The following PLCE1 variants were observed in gnomAD, a reference collection of about 807,000 sequenced individuals.
The protein encoded by PLCE1 is phospholipase C epsilon 1.
Under a neutral mutation model 242.8 loss-of-function variants are expected in PLCE1, and 119 were observed. That is an observed-to-expected ratio of 0.49 (90% CI 0.42 to 0.57). The LOEUF (loss-of-function observed/expected upper bound fraction) is 0.57, where lower values mean the gene tolerates loss of function less well. Ranked by LOEUF, PLCE1 falls within the 20% of genes least tolerant of loss-of-function variation. The probability of loss-of-function intolerance (pLI) is 0.00; values close to 1 mark genes in which losing one functional copy is unlikely to be tolerated. For synonymous variants in PLCE1, 945 were observed against 1,017.4 expected (o/e 0.93, Z 1.35); for missense variants, 2,441 against 2,788.8 (o/e 0.88, Z 2.81).
chr10:94,332,500 T>C lies in PLCE1; in HGVS notation c.*4557T>C, dbSNP rs1282482117. 8.8e-6 allele frequency: 1 copy of C among 113,608 alleles called. No homozygotes were observed. The highest frequency in any genetic ancestry group is 2.6e-4 in the East Asian group (1 of 3,898). The allele number at this position is 113,608 out of a possible 1,614,324, so 7.0% of individuals were successfully genotyped here. On this transcript the variant is annotated 3_prime_UTR_variant, in exon 33 of 33. Transcript: ENST00000371380. ...GCTTAATATAGCCTCAGGATATGTGTGTGCCTGTGTGTGTGTGTGTGTGTG... is the reference window on the plus strand; with the variant it reads ...GCTTAATATAGCCTCAGGATATGTGCGTGCCTGTGTGTGTGTGTGTGTGTG...
intron 10 of PLCE1, 147 bp from the exon 11 acceptor site, chr10:94,254,746 C>G (rs1349788996): frequency 3.5e-6 from 3 of 861,680 alleles, no homozygotes; most frequent in Non-Finnish European, 5.9e-6. Context: ...TTAGCCCATT[C>G]ATAAAGATAT....
chr10:94,238,536 A>G (rs1227815525), intron 7 of PLCE1, among the ~76,000 whole-genome samples: 1 of 152,206 alleles, frequency 6.6e-6, no homozygotes, highest in Non-Finnish European at 1.5e-5. Flanking sequence ...TTTTATGTCT[A>G]ACTCCTGAAG....
intron 1 of PLCE1, among the ~76,000 whole-genome samples, chr10:94,003,473 T>C (rs1304361782): frequency 1.3e-5 from 2 of 152,246 alleles, no homozygotes; most frequent in Non-Finnish European, 2.9e-5. Context: ...GCTGTGGCAG[T>C]TCATTATCTG....
rs562917580 is a variant in PLCE1, at chr10:94,228,810, G to GA, written c.1955+1368dup. Among the ~76,000 whole-genome samples, 13 of 149,804 alleles carry GA rather than the reference G, an allele frequency of 8.7e-5. No homozygotes were observed. In the East Asian group the frequency reaches 1.8e-3, roughly 20 times the overall value. On this transcript the variant is annotated intron_variant, in intron 5 of 32. Coordinates refer to ENST00000371380, the MANE Select transcript of PLCE1 (RefSeq NM_016341.4). ...GCTCAAAAGAAGGAAAAAGTGGGGA[G>GA]AAAAAAAAACAAAGCCTTGGAGAAC...
At chr10:94,003,413 G>A (rs929171276) in intron 1 of PLCE1, among the ~76,000 whole-genome samples, 8 of 152,180 alleles carry the variant, frequency 5.3e-5, no homozygotes, top group Non-Finnish European at 1.0e-4. Flanking sequence ...CTGCTCATGT[G>A]TTCTATCAGG....
chr10:94,288,431 C>A (rs1019753180), intron 22 of PLCE1, among the ~76,000 whole-genome samples: 2 of 152,186 alleles, frequency 1.3e-5, no homozygotes, highest in African/African-American at 4.8e-5. Context: ...CTGAGCCTTT[C>A]TCACTCAAAA....
At chr10:94,120,404 A>T (rs994737256) in intron 2 of PLCE1, among the ~76,000 whole-genome samples, 1 of 152,186 alleles carries the variant, frequency 6.6e-6, no homozygotes, top group Non-Finnish European at 1.5e-5. Flanking sequence ...TCAATTAATC[A>T]GGACCAGAAG....
chr10:94,043,817 G>A (rs2061823295), intron 2 of PLCE1, among the ~76,000 whole-genome samples: 1 of 152,146 alleles, frequency 6.6e-6, no homozygotes, highest in Admixed American at 6.5e-5. Context: ...TATGACTCTG[G>A]CCTGACTAAT....
chr10:94,064,092 A>T (rs1184522773), intron 2 of PLCE1, among the ~76,000 whole-genome samples: 3 of 152,150 alleles, frequency 2.0e-5, no homozygotes, highest in Non-Finnish European at 4.4e-5. Context: ...TCTTAACATC[A>T]TGGCTATCCA....
chr10:94,077,898 A>G (rs1316552923), intron 2 of PLCE1, among the ~76,000 whole-genome samples: 1 of 152,268 alleles, frequency 6.6e-6, no homozygotes, highest in Non-Finnish European at 1.5e-5. Flanking sequence ...TTATTTTAAA[A>G]GTAAAAAGTA....
intron 2 of PLCE1, chr10:94,107,124 ATT>A (rs758764284): frequency 2.0e-5 from 3 of 152,306 alleles, no homozygotes; most frequent in Non-Finnish European, 4.4e-5. Flanking sequence ...TGTGGTGCCA[ATT>A]GGGTTGATGT....
Position 94,298,344 on chromosome 10 carries a change from A to G in PLCE1, c.5168-35A>G, listed in dbSNP as rs768966538. The G allele has an allele frequency of 3.0e-5, 48 of 1,597,520 alleles. No homozygotes were observed. Among genetic ancestry groups the G allele is most frequent in the Non-Finnish European group, 3.9e-5 (46 of 1,165,156 alleles). Reference sequence around the variant, plus strand: ...CTTTCTAAAATATTTAAAGTTTTCTACACTAATCTGCGGCTAATTTCTTGG... The same window carrying G: ...CTTTCTAAAATATTTAAAGTTTTCTGCACTAATCTGCGGCTAATTTCTTGG... On this transcript the variant is annotated intron_variant, in intron 23 of 32. Coordinates refer to ENST00000371380, the MANE Select transcript of PLCE1 (RefSeq NM_016341.4). This position sits in a 1 kb window ranked among gnomAD's most constrained non-coding sequence, Gnocchi z 5.2.
At chr10:94,181,230 G>T (rs1564763350) in intron 4 of PLCE1, among the ~76,000 whole-genome samples, 1 of 152,162 alleles carries the variant, frequency 6.6e-6, no homozygotes, top group Non-Finnish European at 1.5e-5. Flanking sequence ...ACCCCCAAGA[G>T]ATTCTGCCTC....
chr10:94,039,761 A>G (rs1383095822), intron 2 of PLCE1, among the ~76,000 whole-genome samples: 1 of 152,136 alleles, frequency 6.6e-6, no homozygotes, highest in African/African-American at 2.4e-5. Flanking sequence ...GTGTAAACTG[A>G]TATTTCATTG....
chr10:94,194,565 T>C (rs1233020516), intron 4 of PLCE1, among the ~76,000 whole-genome samples: 1 of 152,180 alleles, frequency 6.6e-6, no homozygotes, highest in Non-Finnish European at 1.5e-5. Context: ...ACTGTTCACT[T>C]AGTGCACAAG....
chr10:94,325,193 T>G (rs1009486389), intron 32 of PLCE1, 89 bp downstream of exon 32: 4 of 957,802 alleles, frequency 4.2e-6, no homozygotes, highest in Non-Finnish European at 6.7e-6. Context: ...TCTTTTATCT[T>G]TTCCAACAGG....
intron 3 of PLCE1, among the ~76,000 whole-genome samples, chr10:94,169,444 G>C (rs1564751389): frequency 1.3e-5 from 2 of 152,192 alleles, no homozygotes; most frequent in African/African-American, 2.4e-5. Flanking sequence ...GGAGACAAAG[G>C]TAGATTTAAT....
At position 93,994,219 on chromosome 10, in the gene PLCE1, G is replaced by A. The variant is rs1434745118; in HGVS notation, c.-404G>A. 6.6e-6 allele frequency among the ~76,000 whole-genome samples: 1 copy of A among 152,244 alleles called. No individual in the cohort carries two copies. The highest frequency in any genetic ancestry group is 1.9e-4 in the East Asian group (1 of 5,174). ...GGACGGCTGGTCCCAGAGGGACGCT[G>A]CGCTTGGGGACGCCGGCGAGACTCG... On this transcript the variant is annotated 5_prime_UTR_variant, in exon 1 of 33. Transcript: ENST00000371380.
At chr10:94,197,032 A>G (rs2048843511) in intron 4 of PLCE1, among the ~76,000 whole-genome samples, 1 of 152,072 alleles carries the variant, frequency 6.6e-6, no homozygotes, top group Admixed American at 6.6e-5. Context: ...TAGTGATCTC[A>G]TTTCTGTCCC....
Sources: allele counts gnomAD v4.1 joint callset (sites outside exome capture counted in the v4.1 genomes callset), GRCh38; gene constraint gnomAD v4.1.1; non-coding constraint Gnocchi (gnomAD v3.1); transcripts MANE v1.5; gene names NCBI Gene and HGNC (gene_info 2026-07-23, HGNC 2026-07-21).